Variants in WTAP observed in about 807,000 individuals in gnomAD.
WTAP encodes the protein pre-mRNA-splicing regulator WTAP.
A neutral mutation model predicts 50.0 loss-of-function variants in WTAP; 8 were observed. That is an observed-to-expected ratio of 0.16 (90% CI 0.09 to 0.29). The LOEUF (loss-of-function observed/expected upper bound fraction) is 0.29, where lower values mean the gene tolerates loss of function less well. WTAP is among the 10% of genes least tolerant of loss of function. The pLI is 1.00. For missense variants in WTAP, 295 were observed against 470.7 expected (o/e 0.63, Z 3.45); for synonymous variants, 194 against 169.0 (o/e 1.15, Z -1.15).
intron 6 of WTAP, among the ~76,000 whole-genome samples, chr6:159,751,556 G>A (rs1245672613): frequency 6.6e-6 from 1 of 152,208 alleles, no homozygotes; most frequent in Non-Finnish European, 1.5e-5. Context: ...TGAGAGTGCT[G>A]ATGGGAAATG....
chr6:159,727,283 G>A (rs1778229195), upstream of WTAP: 3 of 1,282,738 alleles, frequency 2.3e-6, no homozygotes, highest in Admixed American at 4.7e-5. Flanking sequence ...CTCCTGGCGG[G>A]GTTCGGCGGC....
intron 1 of WTAP, among the ~76,000 whole-genome samples, chr6:159,728,682 A>T (rs2114859771): frequency 1.3e-5 from 2 of 152,390 alleles, no homozygotes; most frequent in South Asian, 4.1e-4. Flanking sequence ...AATCTTTTCA[A>T]GATGGATACA....
rs932727750 is a variant in WTAP at position 159,748,073 on chromosome 6, AAG to A, written c.274-115_274-114del. 148 of 1,269,654 alleles carry A rather than the reference AAG, an allele frequency of 1.2e-4. 1 individual carries two copies. The African/African-American group carries it at 1.5e-3, about 12-fold the overall frequency. The allele number at this position is 1,269,654 out of a possible 1,614,324, so 78.6% of individuals were successfully genotyped here. A position where few individuals can be genotyped will look rare whatever the true frequency, so the allele number is the denominator to read the frequency against. ...ATTTTTCTAGAGAATTTCAGGATCAAAGAGGGGAGGAGCTTAATGAAAGAGTT... is the reference window on the plus strand; with the variant it reads ...ATTTTTCTAGAGAATTTCAGGATCAAAGGGGAGGAGCTTAATGAAAGAGTT... On this transcript the variant is annotated intron_variant, in intron 5 of 7. Coordinates refer to ENST00000621533, the MANE Select transcript of WTAP (RefSeq NM_001270531.2). The surrounding 1 kb of genome is among the most constrained non-coding windows in gnomAD (Gnocchi z 5.6).
intron 1 of WTAP, among the ~76,000 whole-genome samples, chr6:159,733,189 A>G (rs1778694560): frequency 6.6e-6 from 1 of 152,102 alleles, no homozygotes; most frequent in Admixed American, 6.6e-5. Context: ...AGAATAATAT[A>G]CATTTTATAT....
At chr6:159,750,755 A>G (rs1361181744) in intron 6 of WTAP, among the ~76,000 whole-genome samples, 7 of 152,180 alleles carry the variant, frequency 4.6e-5, no homozygotes, top group African/African-American at 1.7e-4. Flanking sequence ...TTATAAATGG[A>G]TTTTTTTCTA....
intron 6 of WTAP, among the ~76,000 whole-genome samples, chr6:159,750,603 A>G (rs758077962): frequency 2.0e-5 from 3 of 152,224 alleles, no homozygotes; most frequent in Non-Finnish European, 4.4e-5. Flanking sequence ...CATACCATAA[A>G]CACAGATGAG....
At chr6:159,732,028 G>T (rs533410637) in intron 1 of WTAP, among the ~76,000 whole-genome samples, 28 of 152,246 alleles carry the variant, frequency 1.8e-4, no homozygotes, top group African/African-American at 6.0e-4. Flanking sequence ...ACCACATACC[G>T]ATGATCCTTG....
At chr6:159,737,196 G>A (rs2842973) in intron 2 of WTAP, among the ~76,000 whole-genome samples, 47,829 of 151,882 alleles carry the variant, frequency 0.31, 8,326 homozygotes, top group Non-Finnish European at 0.4. Context: ...CTACAAGTAC[G>A]TGCCACCACG....
Position 159,748,293 on chromosome 6 carries a change from G to A in WTAP, c.376G>A (p.Gly126Ser). ...CAACTTGTTTTTCCTAAAAATGAAA[G>A]GTGAACTGGAACAGACTAAAGACAA... ...AINLFFLKMK[G>S]ELEQTKDKLE... Residue 126 changes from glycine to serine, a missense_variant, in exon 6 of 8, where the codon GGT becomes AGT. Gly to Ser is a moderately conservative substitution (Grantham distance 56, BLOSUM62 0). Around this residue, in one of 2 missense-constraint regions of WTAP, gnomAD observed 120 missense variants for 287.6 expected, o/e 0.42. Transcript: ENST00000621533. The surrounding 1 kb of genome is among the most constrained non-coding windows in gnomAD (Gnocchi z 5.6). 1.2e-6 allele frequency: 2 copies of A among 1,614,040 alleles called. No individual in the cohort carries two copies. Among genetic ancestry groups the A allele is most frequent in the Non-Finnish European group, 1.7e-6 (2 of 1,179,972 alleles).
At chr6:159,752,320 T>C (rs1362202408) in intron 6 of WTAP, among the ~76,000 whole-genome samples, 1 of 152,190 alleles carries the variant, frequency 6.6e-6, no homozygotes, top group African/African-American at 2.4e-5. Flanking sequence ...ATCACAATTA[T>C]TTACTTAGAT....
chr6:159,728,720 T>G (rs1188760451), intron 1 of WTAP, among the ~76,000 whole-genome samples: 1 of 152,250 alleles, frequency 6.6e-6, no homozygotes. Flanking sequence ...AGCATCTGAT[T>G]AGCCAAGTCG....
chr6:159,736,176 T>C, intron 1 of WTAP, 82 bp from the exon 2 acceptor site: 1 of 1,328,086 alleles, frequency 7.5e-7, no homozygotes, highest in Non-Finnish European at 1.1e-6. Flanking sequence ...AATAAATTGA[T>C]TTGAAAGAGT....
chr6:159,733,772 C>T (rs893248746), intron 1 of WTAP, among the ~76,000 whole-genome samples: 2 of 151,376 alleles, frequency 1.3e-5, no homozygotes, highest in African/African-American at 4.9e-5. Flanking sequence ...GGAAGTTAGC[C>T]GGGCGTGGTG....
In WTAP at chr6:159,748,749, G is replaced by A; in HGVS notation, c.452+380G>A. Reference sequence around the variant, plus strand: ...ACACTGTGTCTTCAGACAGTTTGAAGGAATGAAAACCTAGAGATTTTAAAT... The same window carrying A: ...ACACTGTGTCTTCAGACAGTTTGAAAGAATGAAAACCTAGAGATTTTAAAT... On this transcript the variant is annotated intron_variant, in intron 6 of 7. Transcript: ENST00000621533. This position sits in a 1 kb window ranked among gnomAD's most constrained non-coding sequence, Gnocchi z 5.6. 1 of 1,235,752 alleles carries A rather than the reference G, an allele frequency of 8.1e-7. No individual in the cohort carries two copies. The highest frequency in any genetic ancestry group is 1.0e-6 in the Non-Finnish European group (1 of 990,174). 76.5% of individuals were successfully genotyped at this position (1,235,752 alleles called of 1,614,324 possible).
chr6:159,743,717 G>C lies in WTAP; in HGVS notation c.198G>C (p.Gln66His). The change falls in exon 5 of 8, where the codon CAG becomes CAC. Residue 66 changes from glutamine (Q) to histidine (H), a missense_variant. Physicochemically the swap from Gln to His is conservative, Grantham distance 24. Transcript: ENST00000621533. Reference protein sequence around the residue: ...RESEEKLKQQQQESARRENIL... With the variant: ...RESEEKLKQQHQESARRENIL... Reference sequence around the variant, plus strand: ...CTGAAGAAAAACTAAAGCAACAACAGCAGGAGTCTGCACGCAGGGAAAACA... The same window carrying C: ...CTGAAGAAAAACTAAAGCAACAACACCAGGAGTCTGCACGCAGGGAAAACA... The C allele has an allele frequency of 6.2e-7, 1 of 1,613,632 alleles. No homozygotes were observed. Among genetic ancestry groups the C allele is most frequent in the South Asian group, 1.1e-5 (1 of 91,010 alleles).
At chr6:159,752,918 G>A (rs1012243108) in intron 6 of WTAP, among the ~76,000 whole-genome samples, 2 of 152,164 alleles carry the variant, frequency 1.3e-5, no homozygotes, top group African/African-American at 4.8e-5. Context: ...AAAATTTTTT[G>A]TAGAGTTGGA....
At chr6:159,740,187 T>A (rs983731800) in intron 3 of WTAP, among the ~76,000 whole-genome samples, 2 of 152,130 alleles carry the variant, frequency 1.3e-5, no homozygotes, top group African/African-American at 2.4e-5. Flanking sequence ...ATACTTTTTT[T>A]AATGCCTTCT....
At chr6:159,737,875 A>G (rs1321527356) in intron 2 of WTAP, among the ~76,000 whole-genome samples, 1 of 152,202 alleles carries the variant, frequency 6.6e-6, no homozygotes, top group African/African-American at 2.4e-5. Flanking sequence ...TCAATTTTTG[A>G]AGCATGTTAG....
At position 159,736,272 on chromosome 6, in the gene WTAP, A is replaced by G; in HGVS notation, c.7A>G (p.Asn3Asp). MTNEEPLPKKVRL... is the reference protein window; with the variant it reads MTDEEPLPKKVRL... ...TTTTTTTTTAGGATTCAAGATGACCAACGAAGAACCTCTTCCCAAGAAGGT... is the reference window on the plus strand; with the variant it reads ...TTTTTTTTTAGGATTCAAGATGACCGACGAAGAACCTCTTCCCAAGAAGGT... Residue 3 changes from asparagine (N) to aspartate (D), a missense_variant, in exon 2 of 8, where the codon AAC (asparagine) becomes GAC (aspartate). Around this residue, in one of 2 missense-constraint regions of WTAP, gnomAD observed 120 missense variants for 287.6 expected, o/e 0.42. Transcript: ENST00000621533. The G allele has an allele frequency of 1.2e-6, 2 of 1,604,218 alleles. No individual in the cohort carries two copies. The highest frequency in any genetic ancestry group is 1.7e-6 in the Non-Finnish European group (2 of 1,174,950).
Sources: allele counts gnomAD v4.1 joint callset (sites outside exome capture counted in the v4.1 genomes callset), GRCh38; gene constraint gnomAD v4.1.1; regional missense constraint gnomAD v4.1.1; non-coding constraint Gnocchi (gnomAD v3.1); transcripts MANE v1.5; gene names NCBI Gene and HGNC (gene_info 2026-07-23, HGNC 2026-07-21).